Variants in BAALC observed in about 807,000 individuals in gnomAD.
The protein encoded by BAALC is brain and acute leukemia cytoplasmic protein.
A neutral mutation model predicts 15.5 loss-of-function variants in BAALC; 9 were observed. The ratio of observed to expected loss-of-function variants is 0.58; its 90% CI spans 0.35 to 1.02. The LOEUF (loss-of-function observed/expected upper bound fraction) is 1.02, where lower values mean the gene tolerates loss of function less well. Ranked by LOEUF, BAALC falls within the 50% of genes least tolerant of loss-of-function variation. The probability of loss-of-function intolerance (pLI) is 0.02; values close to 1 mark genes in which losing one functional copy is unlikely to be tolerated. For missense variants in BAALC, 201 were observed against 192.4 expected (o/e 1.04, Z -0.27); for synonymous variants, 80 against 74.6 (o/e 1.07, Z -0.37).
chr8:103,205,937 C>A (rs1159577309), intron 1 of BAALC, among the ~76,000 whole-genome samples: 1 of 152,224 alleles, frequency 6.6e-6, no homozygotes, highest in Non-Finnish European at 1.5e-5. Context: ...TAGTACAGTG[C>A]AACTTTCACA....
chr8:103,154,115 C>G (rs1297028956), intron 1 of BAALC, among the ~76,000 whole-genome samples: 1 of 152,216 alleles, frequency 6.6e-6, no homozygotes, highest in African/African-American at 2.4e-5. Context: ...TGATGATGTA[C>G]AAGCACAAAC....
intron 1 of BAALC, among the ~76,000 whole-genome samples, chr8:103,198,481 C>T (rs983616260): frequency 6.6e-6 from 1 of 152,126 alleles, no homozygotes; most frequent in Admixed American, 6.6e-5. Context: ...TGGTCCCCTG[C>T]CTTTTCCCCA....
At chr8:103,206,957 A>T (rs1812345586) in intron 1 of BAALC, among the ~76,000 whole-genome samples, 1 of 152,218 alleles carries the variant, frequency 6.6e-6, no homozygotes, top group South Asian at 2.1e-4. Context: ...TTAGTTGGTC[A>T]TTAGCATGGA....
intron 2 of BAALC, among the ~76,000 whole-genome samples, chr8:103,218,565 C>A (rs528630357): frequency 1.1e-4 from 16 of 152,122 alleles, no homozygotes; most frequent in South Asian, 2.1e-4. Context: ...TATTCCCCCC[C>A]ACCCCTTAAA....
intron 1 of BAALC, among the ~76,000 whole-genome samples, chr8:103,195,992 C>G (rs1478204885): frequency 6.6e-6 from 1 of 152,038 alleles, no homozygotes; most frequent in Non-Finnish European, 1.5e-5. Context: ...GGAAGGTGCC[C>G]CTTTCCCAAA....
chr8:103,205,517 T>A (rs867821489), intron 1 of BAALC, among the ~76,000 whole-genome samples: 14 of 152,150 alleles, frequency 9.2e-5, no homozygotes, highest in African/African-American at 3.4e-4. Flanking sequence ...CGAGTGTTGA[T>A]CTCTATGTCA....
chr8:103,148,637 TTTTG>T (rs1205465121), intron 1 of BAALC, among the ~76,000 whole-genome samples: 4 of 152,334 alleles, frequency 2.6e-5, no homozygotes, highest in Middle Eastern at 3.4e-3. Flanking sequence ...TTCTGCCTTT[TTTTG>T]TTTGTTTGTT....
At position 103,229,395 on chromosome 8, in the gene BAALC, A is replaced by C. The variant is rs1215928628; in HGVS notation, c.*1296A>C. On this transcript the variant is annotated 3_prime_UTR_variant, in exon 3 of 3. Transcript: ENST00000309982. ...ATGTTTATGTAACATAGTCCAGAGA[A>C]CTGACATGCAGGTCAAAAGTCAGAT... 6.6e-6 allele frequency: 1 copy of C among 152,220 alleles called. No homozygotes were observed. Among genetic ancestry groups the C allele is most frequent in the Admixed American group, 6.5e-5 (1 of 15,286 alleles). 9.4% of individuals were successfully genotyped at this position (152,220 alleles called of 1,614,324 possible). A position where few individuals can be genotyped will look rare whatever the true frequency, so the allele number is the denominator to read the frequency against.
At chr8:103,217,548 C>T (rs1356918546) in intron 2 of BAALC, among the ~76,000 whole-genome samples, 2 of 152,168 alleles carry the variant, frequency 1.3e-5, no homozygotes, top group Non-Finnish European at 2.9e-5. Flanking sequence ...CCACTTGCCT[C>T]TTCCAGTCTT....
intron 1 of BAALC, among the ~76,000 whole-genome samples, chr8:103,152,670 G>A (rs1811010939): frequency 1.3e-5 from 2 of 152,184 alleles, no homozygotes; most frequent in South Asian, 4.1e-4. Flanking sequence ...CACACCTTTT[G>A]TACCAGTTAG....
chr8:103,220,303 A>G (rs1319651444), intron 2 of BAALC, among the ~76,000 whole-genome samples: 2 of 152,318 alleles, frequency 1.3e-5, no homozygotes, highest in East Asian at 3.9e-4. Context: ...AGCGAATACA[A>G]TAACATTCCC....
rs543402318 is a variant in BAALC at position 103,140,819 on chromosome 8, C to T, written c.-79C>T. 6 of 1,248,436 alleles carry T rather than the reference C, an allele frequency of 4.8e-6. No individual in the cohort carries two copies. In the South Asian group the frequency reaches 1.5e-4, roughly 31 times the overall value. 77.3% of individuals were successfully genotyped at this position (1,248,436 alleles called of 1,614,324 possible). A position where few individuals can be genotyped will look rare whatever the true frequency, so the allele number is the denominator to read the frequency against. On this transcript the variant is annotated 5_prime_UTR_variant, in exon 1 of 3. Transcript: ENST00000309982. This position sits in a 1 kb window ranked among gnomAD's most constrained non-coding sequence, Gnocchi z 4.2. Reference sequence around the variant, plus strand: ...TCGCCGCCGCCGCCTCCTTGCGGGCCGGGGCTGCGCCTCCGGGGCTGAGCC... The same window carrying T: ...TCGCCGCCGCCGCCTCCTTGCGGGCTGGGGCTGCGCCTCCGGGGCTGAGCC...
intron 1 of BAALC, among the ~76,000 whole-genome samples, chr8:103,211,576 T>G (rs1427296094): frequency 6.6e-6 from 1 of 152,224 alleles, no homozygotes; most frequent in Non-Finnish European, 1.5e-5. Context: ...GTTAGTTGTC[T>G]CTTTTTTGTG....
intron 1 of BAALC, among the ~76,000 whole-genome samples, chr8:103,202,409 G>C (rs1222168904): frequency 6.6e-6 from 1 of 152,216 alleles, no homozygotes; most frequent in Non-Finnish European, 1.5e-5. Flanking sequence ...AAGCCAAAGA[G>C]AGAGGTCTCA....
chr8:103,208,372 C>G (rs959230422), intron 1 of BAALC: 5 of 152,162 alleles, frequency 3.3e-5, no homozygotes, highest in Admixed American at 6.5e-5. Context: ...AACTCTAGAC[C>G]AAATGATGGA....
chr8:103,230,023 G>C lies in BAALC; in HGVS notation c.*1924G>C, dbSNP rs566493347. On this transcript the variant is annotated 3_prime_UTR_variant, in exon 3 of 3. Transcript: ENST00000309982. ...TTTGTTTCTGCATCAGTTCACTGCT[G>C]CATGTTGTTTGGAATTTATCACCTT... 1 of 152,246 alleles carries C rather than the reference G, an allele frequency of 6.6e-6. No homozygotes were observed. The highest frequency in any genetic ancestry group is 2.1e-4 in the South Asian group (1 of 4,812). The allele number at this position is 152,246 out of a possible 1,614,324, so 9.4% of individuals were successfully genotyped here. A position where few individuals can be genotyped will look rare whatever the true frequency, so the allele number is the denominator to read the frequency against.
intron 1 of BAALC, among the ~76,000 whole-genome samples, chr8:103,171,504 C>G (rs948834960): frequency 6.6e-6 from 1 of 152,140 alleles, no homozygotes; most frequent in Admixed American, 6.5e-5. Flanking sequence ...TATCTTCATT[C>G]ATTTTGACCT....
chr8:103,222,053 A>C (rs958443791), intron 2 of BAALC, among the ~76,000 whole-genome samples: 1 of 152,218 alleles, frequency 6.6e-6, no homozygotes, highest in Non-Finnish European at 1.5e-5. Context: ...CTTCCAGGCT[A>C]TAGGTAAATT....
At chr8:103,199,424 A>G (rs555695257) in intron 1 of BAALC, among the ~76,000 whole-genome samples, 6 of 152,264 alleles carry the variant, frequency 3.9e-5, no homozygotes, top group South Asian at 2.1e-4. Flanking sequence ...TAAGTTCCCA[A>G]TTAAATTACA....
Sources: gnomAD v4.1 joint callset for allele counts (sites outside exome capture counted in the v4.1 genomes callset) on GRCh38, gnomAD v4.1.1 for gene constraint, Gnocchi (gnomAD v3.1) non-coding constraint, MANE v1.5 for transcripts, NCBI Gene and HGNC (gene_info 2026-07-23, HGNC 2026-07-21) for gene names.